ATF6: variants seen among roughly 807,000 people sequenced by gnomAD.
ATF6 encodes the protein cyclic AMP-dependent transcription factor ATF-6 alpha.
In ATF6, 53 loss-of-function variants were observed where a neutral mutation model predicts 83.6. That is an observed-to-expected ratio of 0.63 (90% confidence interval 0.51 to 0.80). ATF6 has a LOEUF of 0.80. ATF6 is among the 30% of genes least tolerant of loss of function. The pLI is 0.00. For missense variants in ATF6, 744 were observed against 797.9 expected (o/e 0.93, Z 0.81); for synonymous variants, 288 against 285.8 (o/e 1.01, Z -0.08).
At chr1:161,796,136 T>C (rs1488070807) in intron 6 of ATF6, among the ~76,000 whole-genome samples, 2 of 152,306 alleles carry the variant, frequency 1.3e-5, no homozygotes, top group East Asian at 1.9e-4. Context: ...AATTACACAA[T>C]TGGTAGTACA....
intron 9 of ATF6, among the ~76,000 whole-genome samples, chr1:161,838,360 C>T (rs1686273254): frequency 6.6e-6 from 1 of 152,072 alleles, no homozygotes; most frequent in Non-Finnish European, 1.5e-5. Flanking sequence ...AACAAACCAC[C>T]CCAAAACCTA....
chr1:161,924,676 T>G (rs888419836), intron 15 of ATF6, among the ~76,000 whole-genome samples: 25 of 152,312 alleles, frequency 1.6e-4, no homozygotes, highest in African/African-American at 6.0e-4. Context: ...AAAGGAATTG[T>G]TAGGAAGGCC....
intron 7 of ATF6, among the ~76,000 whole-genome samples, chr1:161,813,318 AT>A (rs1685520838): frequency 6.6e-6 from 1 of 152,202 alleles, no homozygotes; most frequent in Non-Finnish European, 1.5e-5. Context: ...TGTAGCAAAA[AT>A]AATCAGATCC....
intron 2 of ATF6, among the ~76,000 whole-genome samples, chr1:161,780,812 C>T (rs1472037093): frequency 2.0e-5 from 3 of 152,084 alleles, no homozygotes; most frequent in Admixed American, 6.5e-5. Flanking sequence ...TGGACTCAAG[C>T]GATCTTCCCA....
chr1:161,927,632 A>C (rs1688344763), intron 15 of ATF6, among the ~76,000 whole-genome samples: 1 of 152,216 alleles, frequency 6.6e-6, no homozygotes, highest in African/African-American at 2.4e-5. Flanking sequence ...TTTGAGCTAA[A>C]TTACAACACA....
chr1:161,802,378 T>G (rs536720588), intron 7 of ATF6, 106 bp downstream of exon 7: 2 of 952,780 alleles, frequency 2.1e-6, no homozygotes, highest in East Asian at 5.2e-5. Context: ...GAGTTTCTTA[T>G]ATTGCATCAA....
At chr1:161,899,145 A>G (rs139776327) in intron 14 of ATF6, among the ~76,000 whole-genome samples, 299 of 152,300 alleles carry the variant, frequency 2.0e-3, no homozygotes, top group Non-Finnish European at 3.8e-3. Flanking sequence ...AGGCCAATGA[A>G]GTTTCTACAC....
intron 14 of ATF6, among the ~76,000 whole-genome samples, chr1:161,875,183 T>C (rs369776543): frequency 6.6e-6 from 1 of 151,792 alleles, no homozygotes; most frequent in East Asian, 1.9e-4. Flanking sequence ...CACAGAGATG[T>C]AATTGGAAAG....
At chr1:161,835,162 T>G (rs1424276288) in intron 9 of ATF6, among the ~76,000 whole-genome samples, 4 of 152,234 alleles carry the variant, frequency 2.6e-5, no homozygotes, top group Admixed American at 1.3e-4. Context: ...CTTGAACTCC[T>G]AGGCTCAAGC....
chr1:161,842,533 AT>A (rs1430105346), intron 9 of ATF6, among the ~76,000 whole-genome samples: 1 of 152,250 alleles, frequency 6.6e-6, no homozygotes, highest in East Asian at 1.9e-4. Context: ...CTACTCAGTC[AT>A]AAAAAGGAAT....
intron 6 of ATF6, among the ~76,000 whole-genome samples, chr1:161,800,896 C>G: frequency 6.6e-6 from 1 of 152,120 alleles, no homozygotes; most frequent in East Asian, 1.9e-4. Flanking sequence ...GACATGATTT[C>G]TTTTTCTGTT....
rs185000849 is a variant in ATF6 at position 161,781,508 on chromosome 1, C to G, written c.160-404C>G. Among the ~76,000 whole-genome samples the G allele has an allele frequency of 2.4e-3, 360 of 152,184 alleles. 3 individuals carry two copies. Among genetic ancestry groups the G allele is most frequent in the African/African-American group, 8.3e-3 (344 of 41,538 alleles). On this transcript the variant is annotated intron_variant, in intron 2 of 15. Coordinates refer to ENST00000367942, the MANE Select transcript of ATF6 (RefSeq NM_007348.4). ...TCTTTTGGATATATCTATATTCTTT[C>G]TATTGTATATAGAGATTATATTATG...
chr1:161,874,061 A>T (rs1270899852), intron 14 of ATF6, among the ~76,000 whole-genome samples: 1 of 151,680 alleles, frequency 6.6e-6, no homozygotes, highest in Non-Finnish European at 1.5e-5. Context: ...TTTGAAAATG[A>T]GTGAATTCAA....
At chr1:161,851,050 A>T (rs925358073) in intron 10 of ATF6, among the ~76,000 whole-genome samples, 1 of 152,032 alleles carries the variant, frequency 6.6e-6, no homozygotes, top group Non-Finnish European at 1.5e-5. Context: ...AGTGATTCAC[A>T]TTCTTCCATG....
intron 9 of ATF6, among the ~76,000 whole-genome samples, chr1:161,833,012 G>A (rs1686107587): frequency 6.6e-6 from 1 of 152,152 alleles, no homozygotes; most frequent in African/African-American, 2.4e-5. Flanking sequence ...CCCCAGTAGG[G>A]GCGGACTGAC....
intron 14 of ATF6, among the ~76,000 whole-genome samples, chr1:161,897,145 T>C (rs1687692071): frequency 6.6e-6 from 1 of 152,170 alleles, no homozygotes. Context: ...TTAAATATTA[T>C]GTAAAGAGCT....
chr1:161,841,237 T>C (rs1194223453), intron 9 of ATF6, among the ~76,000 whole-genome samples: 1 of 152,238 alleles, frequency 6.6e-6, no homozygotes, highest in Non-Finnish European at 1.5e-5. Flanking sequence ...CAATCTTGAA[T>C]TCTGGCAGCG....
chr1:161,777,519 T>A (rs1297482363), intron 1 of ATF6, among the ~76,000 whole-genome samples: 1 of 152,202 alleles, frequency 6.6e-6, no homozygotes, highest in Non-Finnish European at 1.5e-5. Context: ...TTTGAAAAAC[T>A]CTTCAAAGTG....
chr1:161,953,260 G>A (rs373039130), intron 15 of ATF6, among the ~76,000 whole-genome samples: 12 of 152,220 alleles, frequency 7.9e-5, no homozygotes, highest in African/African-American at 2.9e-4. Flanking sequence ...AATTATATGA[G>A]ATATAAGACA....
Sources: gnomAD v4.1 joint callset for allele counts (sites outside exome capture counted in the v4.1 genomes callset) on GRCh38, gnomAD v4.1.1 for gene constraint, MANE v1.5 for transcripts, NCBI Gene and HGNC (gene_info 2026-07-23, HGNC 2026-07-21) for gene names.